NRG1: variants seen among roughly 807,000 people sequenced by gnomAD.
The protein encoded by NRG1 is neuregulin 1, also known as pro-neuregulin-1, membrane-bound isoform.
In NRG1, 18 loss-of-function variants were observed where a neutral mutation model predicts 63.8. The observed-to-expected ratio is 0.28, with a 90% confidence interval of 0.19 to 0.42. The LOEUF (loss-of-function observed/expected upper bound fraction) is 0.42. Among genes scored for constraint, NRG1 ranks in the 10% least tolerant of loss-of-function variants. NRG1 has a pLI of 1.00. For missense variants in NRG1, 762 were observed against 814.7 expected, an observed-to-expected ratio of 0.94 and a Z score of 0.79; for synonymous variants, 302 against 301.3, an observed-to-expected ratio of 1.00 and a Z score of -0.02.
intron 1 of NRG1, among the ~76,000 whole-genome samples, chr8:32,093,674 T>C (rs1194011211): frequency 1.3e-5 from 2 of 152,320 alleles, no homozygotes; most frequent in East Asian, 3.9e-4. Context: ...CTGCACCATT[T>C]TCCATAAACA....
chr8:32,153,424 GA>G lies in NRG1; in HGVS notation c.38-442402del, dbSNP rs1837720349. On this transcript the variant is annotated intron_variant, in intron 1 of 10. Transcript: ENST00000519301. ...ATAGATGCTAAGTTGTCCCCTTGAG[GA>G]AGAATGAGGGAAAATGGAGTTCCTG... 2.0e-5 allele frequency among the ~76,000 whole-genome samples: 3 copies of G among 152,258 alleles called. No individual in the cohort carries two copies. The South Asian group carries it at 6.2e-4, about 32-fold the overall frequency.
intron 1 of NRG1, among the ~76,000 whole-genome samples, chr8:31,981,965 G>A (rs1165147438): frequency 1.3e-5 from 2 of 151,952 alleles, no homozygotes; most frequent in African/African-American, 4.8e-5. Context: ...GAGGTGGTGG[G>A]TGAGGAAGGA....
At chr8:32,728,585 T>G (rs1822852499) in intron 6 of NRG1, 1 of 984,630 alleles carries the variant, frequency 1.0e-6, no homozygotes, top group Non-Finnish European at 1.2e-6. Context: ...CATAACTATT[T>G]TTTAAACGGA....
intron 1 of NRG1, among the ~76,000 whole-genome samples, chr8:32,463,629 G>T (rs1330345847): frequency 2.0e-5 from 3 of 151,940 alleles, no homozygotes; most frequent in Non-Finnish European, 2.9e-5. Context: ...GATCACTTGA[G>T]CCAGGAGTTC....
At chr8:32,044,930 A>AAAAAACAC (rs1554610208) in intron 1 of NRG1, among the ~76,000 whole-genome samples, 1 of 137,034 alleles carries the variant, frequency 7.3e-6, no homozygotes, top group Non-Finnish European at 1.6e-5. Flanking sequence ...AAAAAAAAAA[A>AAAAAACAC]ACACACACAC....
chr8:31,730,441 A>G (rs1813911870), intron 1 of NRG1, among the ~76,000 whole-genome samples: 1 of 152,178 alleles, frequency 6.6e-6, no homozygotes, highest in Non-Finnish European at 1.5e-5. Context: ...GTATATACAG[A>G]TAATCATATA....
chr8:31,639,651 A>G, intron 1 of NRG1: 1 of 1,395,636 alleles, frequency 7.2e-7, no homozygotes, highest in Admixed American at 3.1e-5. Context: ...CAGCCCCGAC[A>G]GCAGGGCTCG....
intron 1 of NRG1, among the ~76,000 whole-genome samples, chr8:32,468,704 G>C (rs11780575): frequency 0.11 from 15,908 of 144,772 alleles, 1,199 homozygotes; most frequent in Admixed American, 0.26. Context: ...ATAAATATTT[G>C]AGCAATTTAA....
chr8:32,220,622 C>T (rs1845711223), intron 1 of NRG1, among the ~76,000 whole-genome samples: 1 of 152,178 alleles, frequency 6.6e-6, no homozygotes, highest in South Asian at 2.1e-4. Flanking sequence ...ACTAGTCGGA[C>T]CTAAGGGAGC....
At chr8:32,162,612 C>A (rs1374850843) in intron 1 of NRG1, among the ~76,000 whole-genome samples, 1 of 151,978 alleles carries the variant, frequency 6.6e-6, no homozygotes, top group African/African-American at 2.4e-5. Flanking sequence ...TACCCCCATC[C>A]AGGGGAAATA....
At chr8:31,821,230 T>C (rs926271317) in intron 1 of NRG1, among the ~76,000 whole-genome samples, 1 of 152,226 alleles carries the variant, frequency 6.6e-6, no homozygotes, top group African/African-American at 2.4e-5. Context: ...CCCATACATA[T>C]AAAGGGCTGA....
At chr8:32,470,377 T>C (rs899202076) in intron 1 of NRG1, among the ~76,000 whole-genome samples, 1 of 151,914 alleles carries the variant, frequency 6.6e-6, no homozygotes, top group Non-Finnish European at 1.5e-5. Context: ...TTTTCTTTTT[T>C]GTATTTTTAA....
intron 1 of NRG1, among the ~76,000 whole-genome samples, chr8:32,455,912 G>A (rs1821534167): frequency 6.6e-6 from 1 of 152,200 alleles, no homozygotes; most frequent in East Asian, 1.9e-4. Context: ...CCTCTGAGTA[G>A]CTGGGACTAC....
chr8:32,444,768 C>T (rs1157712337), intron 1 of NRG1, among the ~76,000 whole-genome samples: 4 of 152,150 alleles, frequency 2.6e-5, no homozygotes, highest in Non-Finnish European at 5.9e-5. Flanking sequence ...GAATACAAAT[C>T]CAGCAATAAA....
At chr8:32,386,597 C>A (rs1447818093) in intron 1 of NRG1, among the ~76,000 whole-genome samples, 1 of 152,160 alleles carries the variant, frequency 6.6e-6, no homozygotes, top group Admixed American at 6.5e-5. Flanking sequence ...AACGGACAAA[C>A]CTATGTCCTC....
intron 6 of NRG1, among the ~76,000 whole-genome samples, chr8:32,738,496 A>C (rs1458675290): frequency 1.3e-5 from 2 of 152,112 alleles, no homozygotes; most frequent in Non-Finnish European, 2.9e-5. Flanking sequence ...TCAGATCCTT[A>C]GATTGTTCTC....
intron 1 of NRG1, among the ~76,000 whole-genome samples, chr8:32,006,137 G>T (rs565224391): frequency 1.3e-5 from 2 of 152,062 alleles, no homozygotes; most frequent in African/African-American, 4.8e-5. Flanking sequence ...ACTTGAATGG[G>T]TCATATTTCT....
chr8:32,235,321 C>T (rs1242715416), intron 1 of NRG1, among the ~76,000 whole-genome samples: 2 of 150,766 alleles, frequency 1.3e-5, no homozygotes, highest in Non-Finnish European at 2.9e-5. Flanking sequence ...ATCGCTTGAA[C>T]CCTAGAGGCA....
At chr8:31,915,871 C>T (rs868020577) in intron 1 of NRG1, among the ~76,000 whole-genome samples, 4 of 152,184 alleles carry the variant, frequency 2.6e-5, no homozygotes, top group African/African-American at 7.2e-5. Flanking sequence ...GTACCCTTCT[C>T]TCTTGTAAGA....
Sources: allele counts gnomAD v4.1 joint callset (sites outside exome capture counted in the v4.1 genomes callset), GRCh38; gene constraint gnomAD v4.1.1; transcripts MANE v1.5; gene names NCBI Gene and HGNC (gene_info 2026-07-23, HGNC 2026-07-21).